Variants in NBAS observed in about 807,000 individuals in gnomAD.
NBAS encodes NAG/BC035112 fusion.
In NBAS, 219 loss-of-function variants were observed where a neutral mutation model predicts 302.5. The observed-to-expected ratio is 0.72, with a 90% CI of 0.65 to 0.81. The LOEUF (loss-of-function observed/expected upper bound fraction) is 0.81. NBAS is among the 30% of genes least tolerant of loss of function. The pLI is 0.00. For synonymous variants in NBAS, 1,118 were observed against 1,021.6 expected, an observed-to-expected ratio of 1.09 and a Z score of -1.80; for missense variants, 2,932 against 2,841.6, an observed-to-expected ratio of 1.03 and a Z score of -0.72.
At chr2:15,494,620 A>G (rs532647478) in intron 11 of NBAS, among the ~76,000 whole-genome samples, 1 of 152,310 alleles carries the variant, frequency 6.6e-6, no homozygotes, top group Admixed American at 6.5e-5. Flanking sequence ...AGTCTCACTA[A>G]CCACTTTATA....
intron 21 of NBAS, among the ~76,000 whole-genome samples, chr2:15,443,401 C>A (rs1422255905): frequency 6.6e-6 from 1 of 152,108 alleles, no homozygotes; most frequent in Non-Finnish European, 1.5e-5. Context: ...AAGACAAAAA[C>A]CACATGATTG....
the NBAS span, among the ~76,000 whole-genome samples, chr2:14,941,923 T>G: frequency 2.6e-5 from 4 of 152,164 alleles, no homozygotes; most frequent in Admixed American, 2.6e-4. Context: ...TGAGTTACAA[T>G]GTTCATTGCT....
rs1411242871 is a variant in NBAS at position 15,402,159 on chromosome 2, T to C, written c.3071+9A>G. ...AACACAATAAGACTGGCATACTGTG[T>C]ATTCTTACCCATATCCTCTTTCTGG... On this transcript the variant is annotated intron_variant, in intron 26 of 51. Coordinates refer to ENST00000281513, the MANE Select transcript of NBAS (RefSeq NM_015909.4). 1 of 1,613,444 alleles carries C rather than the reference T, an allele frequency of 6.2e-7. No homozygotes were observed. The highest frequency in any genetic ancestry group is 1.1e-5 in the South Asian group (1 of 91,058).
At chr2:15,539,191 A>G in intron 7 of NBAS, 32 bp downstream of exon 7, 1 of 1,613,672 alleles carries the variant, frequency 6.2e-7, no homozygotes. Flanking sequence ...ACATTGAAAA[A>G]ACTATGTTTT....
chr2:15,161,730 A>G, the NBAS span, among the ~76,000 whole-genome samples: 1 of 152,168 alleles, frequency 6.6e-6, no homozygotes, highest in Admixed American at 6.5e-5. Context: ...TTTCTCAGGC[A>G]TTAGGAGATC....
At position 15,167,265 on chromosome 2, in the gene NBAS, A is replaced by C; in HGVS notation, c.6899T>G (p.Leu2300Arg). ...LLSLLLDAKL[L>R]VKCVSTPFYP... ...GAAGGGAGTGGAGACACACTTCACC[A>C]GCAGCTTGGCATCCAGGAGCAGGGA... is the stretch of plus-strand genomic sequence containing the variant. The change falls in exon 52 of 52, where the codon CTG (leucine) becomes CGG (arginine). Residue 2300 changes from leucine to arginine, a missense_variant. Transcript: ENST00000281513. The C allele has an allele frequency of 6.2e-7, 1 of 1,614,270 alleles. No individual in the cohort carries two copies. Among genetic ancestry groups the C allele is most frequent in the Non-Finnish European group, 8.5e-7 (1 of 1,180,038 alleles).
the NBAS span, among the ~76,000 whole-genome samples, chr2:14,900,372 T>A: frequency 1.3e-5 from 2 of 152,204 alleles, no homozygotes; most frequent in African/African-American, 4.8e-5. Context: ...TTAAAAGGCT[T>A]ACTCTGTTCC....
At chr2:15,219,724 C>T (rs1666842380) in intron 47 of NBAS, among the ~76,000 whole-genome samples, 1 of 137,956 alleles carries the variant, frequency 7.2e-6, no homozygotes, top group Admixed American at 7.3e-5. Flanking sequence ...ATGTCTACTT[C>T]TATCCACACA....
At chr2:14,918,388 G>C in the NBAS span, among the ~76,000 whole-genome samples, 1 of 151,806 alleles carries the variant, frequency 6.6e-6, no homozygotes, top group Non-Finnish European at 1.5e-5. Flanking sequence ...AGTAGAGTTA[G>C]TAGAGCACAA....
chr2:15,536,592 AC>A (rs769102015), intron 7 of NBAS, 41 bp from the exon 8 acceptor site: 7 of 1,502,044 alleles, frequency 4.7e-6, no homozygotes, highest in African/African-American at 4.2e-5. Flanking sequence ...AAAAAAAAAA[AC>A]TAGATAAAAG....
chr2:15,556,134 G>A (rs1007351773), intron 3 of NBAS, among the ~76,000 whole-genome samples: 1 of 152,130 alleles, frequency 6.6e-6, no homozygotes, highest in African/African-American at 2.4e-5. Flanking sequence ...GCAGAAAGAC[G>A]TTGGAGCAAG....
chr2:15,368,576 T>G (rs1427285194), intron 31 of NBAS, among the ~76,000 whole-genome samples: 1 of 152,174 alleles, frequency 6.6e-6, no homozygotes, highest in African/African-American at 2.4e-5. Flanking sequence ...AAATATAAAG[T>G]AAATATACTT....
At chr2:15,216,549 GC>G (rs1666661727) in intron 48 of NBAS, among the ~76,000 whole-genome samples, 1 of 152,198 alleles carries the variant, frequency 6.6e-6, no homozygotes, top group African/African-American at 2.4e-5. Flanking sequence ...CTTAAGTTCT[GC>G]TTTTGGAAAA....
intron 38 of NBAS, among the ~76,000 whole-genome samples, chr2:15,323,678 A>C (rs867754842): frequency 2.0e-5 from 3 of 152,004 alleles, no homozygotes; most frequent in Non-Finnish European, 4.4e-5. Context: ...ATTAACAACA[A>C]CAAAAAATTA....
rs993853843 is a variant in NBAS at position 15,427,606 on chromosome 2, A to C, written c.2423+105T>G. On this transcript the variant is annotated intron_variant, in intron 22 of 51. Coordinates refer to ENST00000281513, the MANE Select transcript of NBAS (RefSeq NM_015909.4). ...TTCACTCAAACTTTCTAAATTAGGG[A>C]GTGTCATCAAGTAAGGTTTCATTGG... 5 of 896,496 alleles carry C rather than the reference A, an allele frequency of 5.6e-6. No individual in the cohort carries two copies. The African/African-American group carries it at 8.3e-5, about 15-fold the overall frequency. 55.5% of individuals were successfully genotyped at this position (896,496 alleles called of 1,614,324 possible).
intron 11 of NBAS, among the ~76,000 whole-genome samples, chr2:15,499,916 T>C (rs181129951): frequency 6.6e-6 from 1 of 150,942 alleles, no homozygotes; most frequent in Non-Finnish European, 1.5e-5. Context: ...TACGGCTTGA[T>C]AGCAAAGAGT....
intron 21 of NBAS, among the ~76,000 whole-genome samples, chr2:15,435,623 T>C (rs1677972785): frequency 3.3e-5 from 5 of 152,310 alleles, no homozygotes; most frequent in Non-Finnish European, 1.5e-5. Flanking sequence ...TTCCAGAGTC[T>C]ACGCTCTCAG....
intron 38 of NBAS, among the ~76,000 whole-genome samples, chr2:15,316,305 G>A (rs1671507659): frequency 1.3e-5 from 2 of 152,200 alleles, no homozygotes; most frequent in Admixed American, 1.3e-4. Context: ...CAGCGTGATC[G>A]ATGCAGAACA....
the NBAS span, among the ~76,000 whole-genome samples, chr2:14,937,729 G>A: frequency 6.6e-6 from 1 of 151,980 alleles, no homozygotes; most frequent in Non-Finnish European, 1.5e-5. Flanking sequence ...AAGAAAGGGG[G>A]CTCCGAGGCT....
Sources: gnomAD v4.1 joint callset for allele counts (sites outside exome capture counted in the v4.1 genomes callset) on GRCh38, gnomAD v4.1.1 for gene constraint, MANE v1.5 for transcripts, NCBI Gene and HGNC (gene_info 2026-07-23, HGNC 2026-07-21) for gene names.